The following KIAA2012 variants were observed in gnomAD, a reference collection of about 807,000 sequenced individuals.
The protein encoded by KIAA2012 is KIAA2012.
In KIAA2012, 125 loss-of-function variants were observed where a neutral mutation model predicts 150.6. That is an observed-to-expected ratio of 0.83 (90% confidence interval 0.72 to 0.96). KIAA2012 has a LOEUF of 0.96. Among genes scored for constraint, KIAA2012 ranks in the 40% least tolerant of loss-of-function variants. The pLI, the probability that KIAA2012 is intolerant of heterozygous loss-of-function variation, is 0.00. For missense variants in KIAA2012, 1,219 were observed against 1,354.9 expected (o/e 0.90, Z 1.57); for synonymous variants, 462 against 504.7 (o/e 0.92, Z 1.13).
intron 8 of KIAA2012, 50 bp from the exon 9 acceptor site, chr2:202,105,711 G>A (rs551216506): frequency 3.4e-5 from 52 of 1,531,656 alleles, no homozygotes; most frequent in Middle Eastern, 3.4e-4. Flanking sequence ...GAGACATTAG[G>A]CAAAAACAAC....
chr2:202,189,760 C>T (rs1157831428), intron 18 of KIAA2012, among the ~76,000 whole-genome samples: 1 of 152,066 alleles, frequency 6.6e-6, no homozygotes, highest in Non-Finnish European at 1.5e-5. Flanking sequence ...TAGGAATCTG[C>T]ACCCCAGGTG....
At chr2:202,122,025 A>G (rs1331691253) in intron 11 of KIAA2012, among the ~76,000 whole-genome samples, 1 of 152,042 alleles carries the variant, frequency 6.6e-6, no homozygotes, top group Non-Finnish European at 1.5e-5. Flanking sequence ...CAAAAAGAGG[A>G]ACGTAGAGAA....
At chr2:202,124,823 A>G (rs1408801211) in intron 11 of KIAA2012, among the ~76,000 whole-genome samples, 3 of 152,188 alleles carry the variant, frequency 2.0e-5, no homozygotes, top group Non-Finnish European at 4.4e-5. Flanking sequence ...TAATCCCAGC[A>G]CTTTGGGAGG....
Position 202,073,530 on chromosome 2 carries a change from G to T in KIAA2012, c.-98G>T. On this transcript the variant is annotated 5_prime_UTR_variant, in exon 1 of 24. Transcript: ENST00000498697. ...AAGGCCCTGTGTTTGTGGTCTTCTT[G>T]GGCTTGCTGTGAGCTCTGGAAATCT... The T allele has an allele frequency of 9.7e-7, 1 of 1,031,270 alleles. No homozygotes were observed. The highest frequency in any genetic ancestry group is 1.4e-6 in the Non-Finnish European group (1 of 698,696). 63.9% of individuals were successfully genotyped at this position (1,031,270 alleles called of 1,614,324 possible).
chr2:202,166,335 A>C (rs562515319), intron 15 of KIAA2012, among the ~76,000 whole-genome samples: 43 of 152,336 alleles, frequency 2.8e-4, no homozygotes, highest in African/African-American at 1.0e-3. Context: ...AGGGAGTGCC[A>C]AGGAATTTTT....
Position 202,097,308 on chromosome 2 carries a change from G to A in KIAA2012, c.686-127G>A, listed in dbSNP as rs1575008692. 7.8e-5 allele frequency: 111 copies of A among 1,415,118 alleles called. 1 individual carries two copies. The South Asian group carries it at 1.4e-3, about 18-fold the overall frequency. The allele number at this position is 1,415,118 out of a possible 1,614,324, so 87.7% of individuals were successfully genotyped here. A position where few individuals can be genotyped will look rare whatever the true frequency, so the allele number is the denominator to read the frequency against. On this transcript the variant is annotated intron_variant, in intron 4 of 23. Transcript: ENST00000498697. ...CTATCAGAAATACAAAATAAGGGAG[G>A]AGGGGGAGCAAGGGAGGGCCTTGAG...
intron 14 of KIAA2012, among the ~76,000 whole-genome samples, chr2:202,155,683 A>G (rs552541370): frequency 3.3e-5 from 5 of 152,338 alleles, no homozygotes; most frequent in East Asian, 3.9e-4. Context: ...TGCGGAGTGC[A>G]TGATGGTGGC....
At position 202,154,728 on chromosome 2, in the gene KIAA2012, G is replaced by A. The variant is rs190425675; in HGVS notation, c.1964G>A (p.Cys655Tyr). ...CAGAAGACAGGAGAGCCTCAAAGTT[G>A]TATAAATAAAGCGCTGATATGTTCA... ...AAQKTGEPQSCINKALICSNR... is the reference protein window; with the variant it reads ...AAQKTGEPQSYINKALICSNR... The change falls in exon 14 of 24, where the codon TGT becomes TAT. Residue 655 changes from cysteine (C) to tyrosine (Y), a missense_variant. By Grantham distance (194) the Cys-to-Tyr change is radical (BLOSUM62 -2). Transcript: ENST00000498697. The A allele has an allele frequency of 3.8e-4, 587 of 1,550,320 alleles. 1 individual carries two copies. The African/African-American group carries it at 7.3e-3, about 19-fold the overall frequency.
At chr2:202,106,060 G>A in intron 9 of KIAA2012, 150 bp downstream of exon 9, 2 of 1,528,884 alleles carry the variant, frequency 1.3e-6, no homozygotes, top group Non-Finnish European at 1.8e-6. Context: ...TGTGCAGGCA[G>A]CAGCTGCCTT....
chr2:202,133,897 ATAAAG>A (rs1691010398), intron 12 of KIAA2012, among the ~76,000 whole-genome samples: 1 of 152,236 alleles, frequency 6.6e-6, no homozygotes, highest in South Asian at 2.1e-4. Context: ...ATCATATAAA[ATAAAG>A]TATTTTTAGA....
intron 2 of KIAA2012, among the ~76,000 whole-genome samples, chr2:202,085,197 T>C (rs1025380733): frequency 7.2e-5 from 11 of 152,046 alleles, no homozygotes; most frequent in African/African-American, 2.4e-4. Flanking sequence ...ACCAGGAAAC[T>C]AGAAAAAAAC....
At chr2:202,178,578 G>C (rs1157086139) in intron 15 of KIAA2012, 2 of 152,456 alleles carry the variant, frequency 1.3e-5, no homozygotes, top group Admixed American at 6.5e-5. Context: ...GTTCAAAATA[G>C]TTGAGAAGAG....
chr2:202,199,970 T>C (rs1692485935), intron 22 of KIAA2012, among the ~76,000 whole-genome samples: 1 of 143,036 alleles, frequency 7.0e-6, no homozygotes, highest in Non-Finnish European at 1.5e-5. Context: ...CTCACTCTGT[T>C]GCCAGGCTGG....
intron 2 of KIAA2012, among the ~76,000 whole-genome samples, chr2:202,078,047 C>T (rs956211188): frequency 1.3e-5 from 2 of 152,172 alleles, no homozygotes; most frequent in Admixed American, 1.3e-4. Flanking sequence ...GGGCTGATAC[C>T]TTTTGATTCA....
At chr2:202,121,999 G>A (rs148788268) in intron 11 of KIAA2012, among the ~76,000 whole-genome samples, 3 of 152,328 alleles carry the variant, frequency 2.0e-5, no homozygotes, top group East Asian at 1.9e-4. Flanking sequence ...CCAGCCAGCC[G>A]AGACACCAGA....
chr2:202,117,402 A>G (rs1443634653), intron 11 of KIAA2012, among the ~76,000 whole-genome samples: 4 of 152,216 alleles, frequency 2.6e-5, no homozygotes, highest in Non-Finnish European at 5.9e-5. Flanking sequence ...CCCACGGGTA[A>G]AAGAATCCTT....
chr2:202,163,381 C>T (rs545329106), intron 14 of KIAA2012, among the ~76,000 whole-genome samples: 1 of 152,102 alleles, frequency 6.6e-6, no homozygotes, highest in South Asian at 2.1e-4. Context: ...GGATTACAGG[C>T]GTGAGCCACC....
intron 20 of KIAA2012, among the ~76,000 whole-genome samples, chr2:202,193,899 A>G (rs930973232): frequency 6.6e-6 from 1 of 152,150 alleles, no homozygotes; most frequent in Non-Finnish European, 1.5e-5. Context: ...AATCTTCACA[A>G]CCCTGTGAGG....
intron 13 of KIAA2012, among the ~76,000 whole-genome samples, chr2:202,141,736 A>G (rs533343679): frequency 6.6e-6 from 1 of 152,244 alleles, no homozygotes; most frequent in South Asian, 2.1e-4. Context: ...TTCCCGGGAT[A>G]CTTTCAGAGA....
Sources: gnomAD v4.1 joint callset for allele counts (sites outside exome capture counted in the v4.1 genomes callset) on GRCh38, gnomAD v4.1.1 for gene constraint, MANE v1.5 for transcripts, NCBI Gene and HGNC (gene_info 2026-07-23, HGNC 2026-07-21) for gene names.